PAX2: variants seen among roughly 807,000 people sequenced by gnomAD.
PAX2 encodes paired box protein Pax-2.
PAX2 carries 9 observed loss-of-function variants against 41.7 expected under a neutral mutation model. The observed-to-expected ratio is 0.22, with a 90% CI of 0.13 to 0.38. PAX2 has a LOEUF of 0.38. PAX2 is among the 10% of genes least tolerant of loss of function. The pLI is 1.00. For missense variants in PAX2, 418 were observed against 531.6 expected, an observed-to-expected ratio of 0.79 and a Z score of 2.10; for synonymous variants, 221 against 212.7, an observed-to-expected ratio of 1.04 and a Z score of -0.34.
chr10:100,766,505 C>T (rs1033901509), intron 3 of PAX2, among the ~76,000 whole-genome samples: 4 of 152,194 alleles, frequency 2.6e-5, no homozygotes, highest in Non-Finnish European at 4.4e-5. Context: ...CCATCCTCCT[C>T]CAGCTCCAAC....
chr10:100,747,436 C>G (rs1016140294), intron 1 of PAX2: 1 of 164,008 alleles, frequency 6.1e-6, no homozygotes, highest in Non-Finnish European at 1.2e-5. Flanking sequence ...GAATTTATGC[C>G]ATGTCTTTAG....
At chr10:100,758,695 A>C (rs531143518) in intron 3 of PAX2, among the ~76,000 whole-genome samples, 1 of 152,310 alleles carries the variant, frequency 6.6e-6, no homozygotes, top group Non-Finnish European at 1.5e-5. Context: ...ATGCAGGAAG[A>C]CCGGATTTTA....
Position 100,763,306 on chromosome 10 carries a change from A to G in PAX2, c.410+12415A>G, listed in dbSNP as rs189861784. Among the ~76,000 whole-genome samples, 127 of 152,370 alleles carry G rather than the reference A, an allele frequency of 8.3e-4. 1 individual carries two copies. The highest frequency in any genetic ancestry group is 2.9e-3 in the African/African-American group (119 of 41,584). On this transcript the variant is annotated intron_variant, in intron 3 of 9. Coordinates refer to ENST00000355243, the MANE Select transcript of PAX2 (RefSeq NM_000278.5). ...AAAGGTTGTCGATATGATGCCAAAG[A>G]TCTGGCGATTTAGAAATGTCCACAT...
chr10:100,777,844 A>G, intron 3 of PAX2, among the ~76,000 whole-genome samples: 1 of 152,260 alleles, frequency 6.6e-6, no homozygotes. Context: ...ATTGGCACAT[A>G]GTAGATGTTC....
At chr10:100,737,545 G>A (rs1844817671) in intron 1 of PAX2, among the ~76,000 whole-genome samples, 1 of 152,274 alleles carries the variant, frequency 6.6e-6, no homozygotes, top group Non-Finnish European at 1.5e-5. Context: ...GAAAGGCGGG[G>A]GGGAGCTGCG....
At chr10:100,806,089 T>C (rs1301609590) in intron 5 of PAX2, among the ~76,000 whole-genome samples, 1 of 152,166 alleles carries the variant, frequency 6.6e-6, no homozygotes, top group African/African-American at 2.4e-5. Flanking sequence ...TGGCCCTGGC[T>C]TGGGGGCAGG....
chr10:100,826,390 G>C lies in PAX2; in HGVS notation c.1022-619G>C, dbSNP rs967314666. Among the ~76,000 whole-genome samples the C allele has an allele frequency of 2.0e-5, 3 of 152,146 alleles. No homozygotes were observed. The highest frequency in any genetic ancestry group is 4.4e-5 in the Non-Finnish European group (3 of 68,022). On this transcript the variant is annotated intron_variant, in intron 8 of 9. Coordinates refer to ENST00000355243, the MANE Select transcript of PAX2 (RefSeq NM_000278.5). The surrounding 1 kb of genome is among the most constrained non-coding windows in gnomAD (Gnocchi z 5.5). Reference sequence around the variant, plus strand: ...CTTCCGACGACGGCTCCCAACCCACGGGCCCTCCGCTCACCGCTAGCGGAC... The same window carrying C: ...CTTCCGACGACGGCTCCCAACCCACCGGCCCTCCGCTCACCGCTAGCGGAC...
intron 5 of PAX2, chr10:100,786,813 T>C (rs754667563): frequency 1.6e-5 from 8 of 507,412 alleles, no homozygotes; most frequent in Non-Finnish European, 3.1e-5. Flanking sequence ...TGTGAGGGAA[T>C]TGCAGCTCAG....
chr10:100,808,993 C>A, intron 6 of PAX2, 117 bp from the exon 7 acceptor site: 1 of 946,504 alleles, frequency 1.1e-6, no homozygotes, highest in Non-Finnish European at 1.7e-6. Context: ...CTCTGCCCCA[C>A]CATCTCTTTC....
chr10:100,805,913 G>A (rs961819709), intron 5 of PAX2, among the ~76,000 whole-genome samples: 9 of 152,158 alleles, frequency 5.9e-5, no homozygotes, highest in Non-Finnish European at 1.3e-4. Flanking sequence ...CCCTCAGGGC[G>A]AAGTTGATTA....
chr10:100,741,075 A>G (rs1249351185), upstream of PAX2, among the ~76,000 whole-genome samples: 1 of 152,206 alleles, frequency 6.6e-6, no homozygotes, highest in African/African-American at 2.4e-5. Flanking sequence ...AGGGCTGGGC[A>G]GGTCGCAAAG....
intron 1 of PAX2, among the ~76,000 whole-genome samples, chr10:100,738,105 T>G (rs1844835399): frequency 6.6e-6 from 1 of 152,256 alleles, no homozygotes; most frequent in African/African-American, 2.4e-5. Flanking sequence ...GCTGGTCCCC[T>G]GCCTCTGCCT....
At chr10:100,736,754 A>G (rs1002426709) in intron 1 of PAX2, among the ~76,000 whole-genome samples, 4 of 152,110 alleles carry the variant, frequency 2.6e-5, no homozygotes, top group Non-Finnish European at 5.9e-5. Flanking sequence ...GGGAGTGTCA[A>G]CTGTGGCCAC....
At position 100,828,155 on chromosome 10, in the gene PAX2, G is replaced by A. The variant is rs557796358; in HGVS notation, c.*536G>A. Reference sequence around the variant, plus strand: ...TCTGCAGGAGGAAGAGCCCGCTGCCGAATCCCTGGGAAAAATTCTTTTCCC... The same window carrying A: ...TCTGCAGGAGGAAGAGCCCGCTGCCAAATCCCTGGGAAAAATTCTTTTCCC... On this transcript the variant is annotated 3_prime_UTR_variant, in exon 10 of 10. Coordinates refer to ENST00000355243, the MANE Select transcript of PAX2 (RefSeq NM_000278.5). The surrounding 1 kb of genome is among the most constrained non-coding windows in gnomAD (Gnocchi z 6.5). 5 of 232,248 alleles carry A rather than the reference G, an allele frequency of 2.2e-5. 1 individual carries two copies. In the East Asian group the frequency reaches 3.0e-4, roughly 14 times the overall value. The allele number at this position is 232,248 out of a possible 1,614,324, so 14.4% of individuals were successfully genotyped here. A position where few individuals can be genotyped will look rare whatever the true frequency, so the allele number is the denominator to read the frequency against.
intron 5 of PAX2, among the ~76,000 whole-genome samples, chr10:100,805,233 G>A (rs1847732873): frequency 6.6e-6 from 1 of 152,134 alleles, no homozygotes; most frequent in Admixed American, 6.5e-5. Context: ...TCTCCTGAAT[G>A]ATACTGTATG....
At chr10:100,792,571 C>T (rs1195683247) in intron 5 of PAX2, among the ~76,000 whole-genome samples, 1 of 152,206 alleles carries the variant, frequency 6.6e-6, no homozygotes, top group Admixed American at 6.5e-5. Context: ...CATCCAGAAG[C>T]AGAGGATGGG....
chr10:100,809,339 A>G, intron 7 of PAX2, 103 bp downstream of exon 7: 1 of 1,153,836 alleles, frequency 8.7e-7, no homozygotes, highest in Non-Finnish European at 1.3e-6. Context: ...CCACCGTGAT[A>G]TTTACAGAGA....
At chr10:100,742,462 G>A (rs1844994280), upstream of PAX2, among the ~76,000 whole-genome samples, 1 of 151,454 alleles carries the variant, frequency 6.6e-6, no homozygotes, top group African/African-American at 2.4e-5. Context: ...GGCAAGGTTG[G>A]GGGCCGCCAG....
intron 3 of PAX2, among the ~76,000 whole-genome samples, chr10:100,763,103 TG>T: frequency 6.6e-6 from 1 of 152,244 alleles, no homozygotes; most frequent in Non-Finnish European, 1.5e-5. Context: ...TGACTGGTTT[TG>T]TCAAATAGCT....
Sources: allele counts gnomAD v4.1 joint callset (sites outside exome capture counted in the v4.1 genomes callset), GRCh38; gene constraint gnomAD v4.1.1; non-coding constraint Gnocchi (gnomAD v3.1); transcripts MANE v1.5; gene names NCBI Gene and HGNC (gene_info 2026-07-23, HGNC 2026-07-21).